The following ZC3H7A variants were observed in gnomAD, a reference collection of about 807,000 sequenced individuals.
ZC3H7A encodes the protein zinc finger CCCH domain-containing protein 7A.
In ZC3H7A, 44 loss-of-function variants were observed where a neutral mutation model predicts 125.5. The observed-to-expected ratio is 0.35, with a 90% confidence interval of 0.28 to 0.45. The LOEUF (loss-of-function observed/expected upper bound fraction) is 0.45. ZC3H7A is among the 20% of genes least tolerant of loss of function. The pLI, the probability that ZC3H7A is intolerant of heterozygous loss-of-function variation, is 1.00. For synonymous variants in ZC3H7A, 399 were observed against 391.2 expected, an observed-to-expected ratio of 1.02 and a Z score of -0.23; for missense variants, 977 against 1,170.7, an observed-to-expected ratio of 0.83 and a Z score of 2.41.
intron 1 of ZC3H7A, among the ~76,000 whole-genome samples, chr16:11,785,347 A>G (rs182560122): frequency 2.1e-5 from 3 of 145,600 alleles, no homozygotes; most frequent in Non-Finnish European, 4.5e-5. Context: ...TCGAAAAAAT[A>G]AAAAAAAAAG....
At chr16:11,784,807 T>C (rs975891130) in intron 1 of ZC3H7A, among the ~76,000 whole-genome samples, 2 of 136,694 alleles carry the variant, frequency 1.5e-5, no homozygotes, top group African/African-American at 5.8e-5. Context: ...TGAGCCAAGA[T>C]CACGTCATTG....
Position 11,752,655 on chromosome 16 carries a change from A to G in ZC3H7A, c.2726+14T>C. ...AGCAATTCTGACATGGAAAAATTGT[A>G]GAAACCTACATACCTATCACAAATA... On this transcript the variant is annotated intron_variant, in intron 22 of 22. Coordinates refer to ENST00000355758, the MANE Select transcript of ZC3H7A (RefSeq NM_014153.4). The G allele has an allele frequency of 6.3e-7, 1 of 1,590,054 alleles. No individual in the cohort carries two copies. Among genetic ancestry groups the G allele is most frequent in the Non-Finnish European group, 8.5e-7 (1 of 1,169,774 alleles).
chr16:11,764,245 G>A (rs1365080035), intron 15 of ZC3H7A, among the ~76,000 whole-genome samples: 1 of 151,876 alleles, frequency 6.6e-6, no homozygotes, highest in African/African-American at 2.4e-5. Context: ...AAACCCTGTT[G>A]CTACTAAAAA....
rs768804646 is a variant in ZC3H7A, at chr16:11,779,286, C to T, written c.186G>A (p.Ser62=). 12 of 1,614,032 alleles carry T rather than the reference C, an allele frequency of 7.4e-6. No individual in the cohort carries two copies. Among genetic ancestry groups the T allele is most frequent in the African/African-American group, 1.3e-5 (1 of 75,022 alleles). The change falls in exon 4 of 23, where the codon TCG becomes TCA. Residue 62 remains serine, a synonymous_variant. Coordinates refer to ENST00000355758, the MANE Select transcript of ZC3H7A (RefSeq NM_014153.4). The part of the protein sequence containing the change: ...DVYREHDWNN[S]ISQYTEALNI... ...TCAAGGCTTCCGTGTACTGGCTTAT[C>T]GAGTTGTTCCAATCATGTTCCCGAT...
chr16:11,781,210 T>C (rs1320239753), intron 3 of ZC3H7A, among the ~76,000 whole-genome samples: 1 of 152,206 alleles, frequency 6.6e-6, no homozygotes, highest in Non-Finnish European at 1.5e-5. Context: ...AACTACCATA[T>C]GTTGCAAAAG....
intron 21 of ZC3H7A, among the ~76,000 whole-genome samples, chr16:11,753,407 T>C (rs2052583882): frequency 6.6e-6 from 1 of 152,230 alleles, no homozygotes. Flanking sequence ...AAAACAGATT[T>C]GAACTCATTC....
chr16:11,773,254 A>G (rs992727765), intron 9 of ZC3H7A, among the ~76,000 whole-genome samples: 1 of 151,832 alleles, frequency 6.6e-6, no homozygotes, highest in African/African-American at 2.4e-5. Flanking sequence ...ATCAGTGCTC[A>G]CTGCAGCCTC....
At chr16:11,760,528 T>C (rs1186992078) in intron 19 of ZC3H7A, among the ~76,000 whole-genome samples, 1 of 152,176 alleles carries the variant, frequency 6.6e-6, no homozygotes, top group African/African-American at 2.4e-5. Context: ...TGGTGAAAAA[T>C]ACATCTACCT....
At chr16:11,768,625 C>A (rs1389766636) in intron 11 of ZC3H7A, 124 bp from the exon 12 acceptor site, 5 of 836,938 alleles carry the variant, frequency 6.0e-6, no homozygotes, top group Admixed American at 7.2e-5. Context: ...CAGTACTACT[C>A]CATCCTTAAT....
chr16:11,758,159 G>A (rs536283285), intron 20 of ZC3H7A, among the ~76,000 whole-genome samples: 1 of 152,162 alleles, frequency 6.6e-6, no homozygotes, highest in South Asian at 2.1e-4. Flanking sequence ...CATTTTTTAG[G>A]AATACATCTA....
At chr16:11,754,273 C>T (rs2052599063) in intron 21 of ZC3H7A, among the ~76,000 whole-genome samples, 1 of 109,560 alleles carries the variant, frequency 9.1e-6, no homozygotes, top group African/African-American at 3.8e-5. Context: ...GCCTGGATGA[C>T]AGAGTGAGAC....
intron 19 of ZC3H7A, among the ~76,000 whole-genome samples, chr16:11,760,880 C>T (rs1168329471): frequency 6.6e-6 from 1 of 152,198 alleles, no homozygotes; most frequent in Non-Finnish European, 1.5e-5. Context: ...TTAAGTTAGC[C>T]TAGTATTTTC....
intron 9 of ZC3H7A, 146 bp downstream of exon 9, chr16:11,774,090 A>T: frequency 1.3e-6 from 1 of 748,842 alleles, no homozygotes; most frequent in Non-Finnish European, 1.9e-6. Flanking sequence ...CAGTTTCAGT[A>T]GAGAAGAAAA....
chr16:11,791,106 C>T (rs1474232722), intron 1 of ZC3H7A, among the ~76,000 whole-genome samples: 1 of 150,854 alleles, frequency 6.6e-6, no homozygotes, highest in Non-Finnish European at 1.5e-5. Context: ...CACACACACA[C>T]ACACACACAC....
intron 1 of ZC3H7A, among the ~76,000 whole-genome samples, chr16:11,785,335 C>T (rs1038022326): frequency 1.3e-5 from 2 of 150,370 alleles, no homozygotes; most frequent in African/African-American, 4.9e-5. Context: ...TGAGACCTTG[C>T]CTCGAAAAAA....
chr16:11,756,503 T>C, intron 20 of ZC3H7A, 133 bp from the exon 21 acceptor site: 1 of 1,161,984 alleles, frequency 8.6e-7, no homozygotes, highest in Non-Finnish European at 1.2e-6. Context: ...ACTATTATAT[T>C]AGACATGGAG....
chr16:11,752,886 C>T (rs2052576015), intron 21 of ZC3H7A, 54 bp from the exon 22 acceptor site: 7 of 1,574,386 alleles, frequency 4.4e-6, no homozygotes, highest in Non-Finnish European at 6.0e-6. Flanking sequence ...GAGATCCAGA[C>T]TCAATTCCAG....
Position 11,774,153 on chromosome 16 carries a change from T to G in ZC3H7A, c.903+83A>C, listed in dbSNP as rs544543813. On this transcript the variant is annotated intron_variant, in intron 9 of 22. Transcript: ENST00000355758. ...CCCAAATTCAGCCTATATGCAATAC[T>G]GAAAAAGTCTATCAAGTTATATTAC... 1.6e-4 allele frequency: 209 copies of G among 1,342,556 alleles called. 3 individuals are homozygous for G. The South Asian group carries it at 4.3e-3, about 28-fold the overall frequency. 83.2% of individuals were successfully genotyped at this position (1,342,556 alleles called of 1,614,324 possible). A position where few individuals can be genotyped will look rare whatever the true frequency, so the allele number is the denominator to read the frequency against.
chr16:11,784,557 C>T (rs2053224398), intron 1 of ZC3H7A, among the ~76,000 whole-genome samples: 1 of 151,708 alleles, frequency 6.6e-6, no homozygotes, highest in African/African-American at 2.4e-5. Context: ...CCTATCTCTA[C>T]AAAAAATTTT....
Sources: allele counts gnomAD v4.1 joint callset (sites outside exome capture counted in the v4.1 genomes callset), GRCh38; gene constraint gnomAD v4.1.1; transcripts MANE v1.5; gene names NCBI Gene and HGNC (gene_info 2026-07-23, HGNC 2026-07-21).